The following IGF1R variants were observed in gnomAD, a reference collection of about 807,000 sequenced individuals.
The protein encoded by IGF1R is insulin-like growth factor 1 receptor.
A neutral mutation model predicts 144.6 loss-of-function variants in IGF1R; 44 were observed. That is an observed-to-expected ratio of 0.30 (90% CI 0.24 to 0.39). The LOEUF is 0.39. IGF1R is among the 10% of genes least tolerant of loss of function. The pLI, the probability that IGF1R is intolerant of heterozygous loss-of-function variation, is 1.00. For missense variants in IGF1R, 1,355 were observed against 1,833.7 expected (o/e 0.74, Z 4.77); for synonymous variants, 795 against 722.8 (o/e 1.10, Z -1.60).
intron 1 of IGF1R, among the ~76,000 whole-genome samples, chr15:98,700,570 C>T (rs563789285): frequency 6.6e-6 from 1 of 152,286 alleles, no homozygotes; most frequent in African/African-American, 2.4e-5. Flanking sequence ...GGTCCTGATG[C>T]ATGTTGAGGA....
intron 18 of IGF1R, among the ~76,000 whole-genome samples, chr15:98,940,986 G>A (rs908661897): frequency 6.6e-6 from 1 of 152,184 alleles, no homozygotes; most frequent in Non-Finnish European, 1.5e-5. Context: ...GGCTTCCTTG[G>A]TGCACCCAGC....
chr15:98,878,339 G>T (rs2013166821), intron 2 of IGF1R, among the ~76,000 whole-genome samples: 1 of 152,126 alleles, frequency 6.6e-6, no homozygotes, highest in Non-Finnish European at 1.5e-5. Flanking sequence ...ATGGAAATAG[G>T]GCTGTAAGCA....
intron 2 of IGF1R, among the ~76,000 whole-genome samples, chr15:98,768,876 G>A (rs780175414): frequency 2.0e-5 from 3 of 150,446 alleles, no homozygotes; most frequent in South Asian, 2.1e-4. Context: ...TGCAGTGAGC[G>A]GAGATCACAC....
At chr15:98,729,600 T>G (rs2054450849) in intron 2 of IGF1R, among the ~76,000 whole-genome samples, 1 of 151,504 alleles carries the variant, frequency 6.6e-6, no homozygotes, top group African/African-American at 2.4e-5. Flanking sequence ...CCACATCTCA[T>G]TGTCCTTCAG....
At chr15:98,831,582 T>G (rs1251135841) in intron 2 of IGF1R, among the ~76,000 whole-genome samples, 1 of 152,210 alleles carries the variant, frequency 6.6e-6, no homozygotes, top group Non-Finnish European at 1.5e-5. Flanking sequence ...AAAGATAGAT[T>G]AATAAGAGAA....
At chr15:98,661,102 G>C (rs2052588281) in intron 1 of IGF1R, among the ~76,000 whole-genome samples, 1 of 149,878 alleles carries the variant, frequency 6.7e-6, no homozygotes, top group East Asian at 2.0e-4. Context: ...AGATTTGAGG[G>C]AGATGTGGTT....
chr15:98,938,243 C>T (rs1489488634), intron 17 of IGF1R, among the ~76,000 whole-genome samples: 1 of 152,206 alleles, frequency 6.6e-6, no homozygotes, highest in Non-Finnish European at 1.5e-5. Context: ...TGGGCATGCT[C>T]AGCTGGTGGC....
intron 18 of IGF1R, among the ~76,000 whole-genome samples, chr15:98,940,798 C>T (rs2016338020): frequency 1.3e-5 from 2 of 152,196 alleles, no homozygotes; most frequent in Non-Finnish European, 1.5e-5. Flanking sequence ...AGCCCACATC[C>T]CTCCGTCATC....
chr15:98,874,802 G>A (rs2012970544), intron 2 of IGF1R, among the ~76,000 whole-genome samples: 1 of 152,226 alleles, frequency 6.6e-6, no homozygotes, highest in Non-Finnish European at 1.5e-5. Flanking sequence ...AGCCTAGCTT[G>A]GGGGTGGGGA....
Position 98,891,533 on chromosome 15 carries a change from C to T in IGF1R, c.849C>T (p.Ala283=). 1 of 1,612,882 alleles carries T rather than the reference C, an allele frequency of 6.2e-7. No individual in the cohort carries two copies. The highest frequency in any genetic ancestry group is 8.5e-7 in the Non-Finnish European group (1 of 1,180,016). ...GWRCVDRDFC[A]NILSAESSDS... Reference sequence around the variant, plus strand: ...GCTGTGTGGACCGTGACTTCTGCGCCAACATCCTCAGCGCCGAGAGCAGCG... The same window carrying T: ...GCTGTGTGGACCGTGACTTCTGCGCTAACATCCTCAGCGCCGAGAGCAGCG... The change falls in exon 3 of 21, where the codon GCC becomes GCT. Residue 283 remains alanine, a synonymous_variant. Coordinates refer to ENST00000650285, the MANE Select transcript of IGF1R (RefSeq NM_000875.5). This position sits in a 1 kb window ranked among gnomAD's most constrained non-coding sequence, Gnocchi z 4.7.
intron 2 of IGF1R, among the ~76,000 whole-genome samples, chr15:98,877,623 C>T (rs2013129534): frequency 6.7e-6 from 1 of 149,998 alleles, no homozygotes; most frequent in Non-Finnish European, 1.5e-5. Context: ...TGTGAGGTCA[C>T]TGAATAGGTG....
intron 17 of IGF1R, among the ~76,000 whole-genome samples, chr15:98,937,593 C>T (rs1332940063): frequency 6.6e-6 from 1 of 152,156 alleles, no homozygotes; most frequent in East Asian, 1.9e-4. Context: ...CAACCTGCTC[C>T]CCCGACCAAG....
chr15:98,904,275 A>G (rs2014625433), intron 5 of IGF1R, among the ~76,000 whole-genome samples: 1 of 152,018 alleles, frequency 6.6e-6, no homozygotes, highest in Non-Finnish European at 1.5e-5. Context: ...TATGGTCTCG[A>G]TCATCTGACC....
intron 2 of IGF1R, among the ~76,000 whole-genome samples, chr15:98,868,452 T>A (rs1234338839): frequency 2.7e-5 from 4 of 150,608 alleles, no homozygotes; most frequent in African/African-American, 7.3e-5. Context: ...GCAATCAGTA[T>A]GTGAGTTCTG....
intron 1 of IGF1R, among the ~76,000 whole-genome samples, chr15:98,696,371 T>G (rs1426904027): frequency 6.6e-6 from 1 of 152,224 alleles, no homozygotes; most frequent in Non-Finnish European, 1.5e-5. Flanking sequence ...AGACCTTCCT[T>G]GGTCTGTTCA....
Position 98,649,685 on chromosome 15 carries a change from T to G in IGF1R, c.94+10T>G. 6.3e-7 allele frequency: 1 copy of G among 1,599,422 alleles called. No homozygotes were observed. The highest frequency in any genetic ancestry group is 8.6e-7 in the Non-Finnish European group (1 of 1,168,768). Reference sequence around the variant, plus strand: ...CCGACGAGTGGAGAAAGTGAGTATGTGCCCGCCGCCCGCGGCCACTGCGGG... The same window carrying G: ...CCGACGAGTGGAGAAAGTGAGTATGGGCCCGCCGCCCGCGGCCACTGCGGG... On this transcript the variant is annotated intron_variant, in intron 1 of 20. Coordinates refer to ENST00000650285, the MANE Select transcript of IGF1R (RefSeq NM_000875.5).
chr15:98,792,916 G>A (rs1253240801), intron 2 of IGF1R, among the ~76,000 whole-genome samples: 2 of 152,260 alleles, frequency 1.3e-5, no homozygotes. Context: ...GTTTCTATGC[G>A]CTGAAACTCT....
chr15:98,693,713 C>A (rs1401746443), intron 1 of IGF1R, among the ~76,000 whole-genome samples: 2 of 152,328 alleles, frequency 1.3e-5, no homozygotes, highest in African/African-American at 4.8e-5. Context: ...TCAAGTGATT[C>A]TTGTGCTTCA....
At chr15:98,779,813 G>A (rs531409740) in intron 2 of IGF1R, among the ~76,000 whole-genome samples, 119 of 152,288 alleles carry the variant, frequency 7.8e-4, no homozygotes, top group Middle Eastern at 3.4e-3. Flanking sequence ...GCTATCTGTG[G>A]AGATAGCCTG....
Sources: gnomAD v4.1 joint callset for allele counts (sites outside exome capture counted in the v4.1 genomes callset) on GRCh38, gnomAD v4.1.1 for gene constraint, Gnocchi (gnomAD v3.1) non-coding constraint, MANE v1.5 for transcripts, NCBI Gene and HGNC (gene_info 2026-07-23, HGNC 2026-07-21) for gene names.